The following STOML3 variants were observed in gnomAD, a reference collection of about 807,000 sequenced individuals.
STOML3 encodes stomatin-like protein 3.
STOML3 carries 31 observed loss-of-function variants against 29.5 expected under a neutral mutation model. The observed-to-expected ratio is 1.05, with a 90% CI of 0.79 to 1.42. The LOEUF is 1.42. Among genes scored for constraint, STOML3 ranks in the 40% most tolerant of loss-of-function variants. STOML3 has a pLI of 0.00. For missense variants in STOML3, 380 were observed against 363.0 expected (o/e 1.05, Z -0.38); for synonymous variants, 122 against 139.8 (o/e 0.87, Z 0.90).
chr13:38,976,593 C>T lies in STOML3; in HGVS notation c.176G>A (p.Arg59His), dbSNP rs750903761. The change falls in exon 3 of 7, where the codon CGT (arginine) becomes CAT (histidine). Residue 59 changes from arginine to histidine, a missense_variant. Arg to His is a conservative substitution (Grantham distance 29). Coordinates refer to ENST00000379631, the MANE Select transcript of STOML3 (RefSeq NM_145286.3). ...GCGTCCCAGACGGAATACAACAGCA[C>T]GTTCATACTCCTTAATGATCTAGGA... ...MCLKIIKEYERAVVFRLGRIQ... is the reference protein window; with the variant it reads ...MCLKIIKEYEHAVVFRLGRIQ... 19 of 1,614,080 alleles carry T rather than the reference C, an allele frequency of 1.2e-5. No individual in the cohort carries two copies. Among genetic ancestry groups the T allele is most frequent in the African/African-American group, 8.0e-5 (6 of 74,920 alleles).
At chr13:38,983,781 T>G (rs988540623) in intron 1 of STOML3, among the ~76,000 whole-genome samples, 1 of 152,208 alleles carries the variant, frequency 6.6e-6, no homozygotes, top group African/African-American at 2.4e-5. Context: ...GGATGATTTG[T>G]GCTCAGTAGT....
intron 1 of STOML3, among the ~76,000 whole-genome samples, chr13:38,989,399 T>G (rs2138033491): frequency 6.6e-6 from 1 of 152,256 alleles, no homozygotes; most frequent in South Asian, 2.1e-4. Flanking sequence ...CCAGATGATA[T>G]TTACTGCCTT....
At chr13:38,974,387 A>T (rs1880996478) in intron 3 of STOML3, among the ~76,000 whole-genome samples, 1 of 151,872 alleles carries the variant, frequency 6.6e-6, no homozygotes, top group Non-Finnish European at 1.5e-5. Context: ...CCTTACTTCC[A>T]TTTTTGGTGC....
At chr13:38,984,865 AT>A (rs1450971796) in intron 1 of STOML3, among the ~76,000 whole-genome samples, 1 of 151,982 alleles carries the variant, frequency 6.6e-6, no homozygotes, top group South Asian at 2.1e-4. Flanking sequence ...CAGGTATTTT[AT>A]TTTTTGTCTG....
chr13:38,983,695 C>A (rs575359362), intron 1 of STOML3, among the ~76,000 whole-genome samples: 137 of 152,192 alleles, frequency 9.0e-4, no homozygotes, highest in African/African-American at 3.3e-3. Context: ...TTATTATCTA[C>A]GCTAGTCCTA....
Position 38,976,327 on chromosome 13 carries a change from C to T in STOML3, c.229+213G>A, listed in dbSNP as rs11843122. On this transcript the variant is annotated intron_variant, in intron 3 of 6. Transcript: ENST00000379631. ...TCTCTCAGAGGGAGACTTAGGAGGC[C>T]GGGCCAGATTTCCAAACTCTCAAAC... is the stretch of plus-strand genomic sequence containing the variant. 1.7e-3 allele frequency among the ~76,000 whole-genome samples: 252 copies of T among 152,248 alleles called. 1 individual carries two copies. Among genetic ancestry groups the T allele is most frequent in the African/African-American group, 5.8e-3 (241 of 41,544 alleles).
At chr13:38,988,406 A>G (rs1313502433) in intron 1 of STOML3, among the ~76,000 whole-genome samples, 4 of 94,996 alleles carry the variant, frequency 4.2e-5, no homozygotes, top group African/African-American at 2.2e-4. Flanking sequence ...TATATAAAAT[A>G]TATGATATTT....
intron 3 of STOML3, among the ~76,000 whole-genome samples, chr13:38,975,322 G>GC (rs1555281461): frequency 6.9e-6 from 1 of 144,876 alleles, no homozygotes; most frequent in Non-Finnish European, 1.5e-5. Context: ...CTCTGTCTCA[G>GC]AAAAAAAAAA....
intron 3 of STOML3, 91 bp downstream of exon 3, chr13:38,976,449 C>G (rs1881075084): frequency 2.1e-6 from 3 of 1,459,988 alleles, no homozygotes; most frequent in Non-Finnish European, 2.8e-6. Flanking sequence ...CTTTGACTCT[C>G]AATAGGCACC....
At chr13:38,981,532 G>C (rs1345139956) in intron 1 of STOML3, among the ~76,000 whole-genome samples, 1 of 152,076 alleles carries the variant, frequency 6.6e-6, no homozygotes, top group African/African-American at 2.4e-5. Flanking sequence ...CTTCAGCTTG[G>C]TCAAGAGTAT....
intron 1 of STOML3, chr13:38,980,187 G>A (rs1593504845): frequency 1.3e-6 from 2 of 1,513,300 alleles, no homozygotes; most frequent in Non-Finnish European, 1.8e-6. Context: ...ATTTACACTG[G>A]AGCATTAGAA....
At chr13:38,982,746 C>CAT (rs1881311935) in intron 1 of STOML3, among the ~76,000 whole-genome samples, 1 of 152,186 alleles carries the variant, frequency 6.6e-6, no homozygotes, top group Admixed American at 6.5e-5. Flanking sequence ...ACATCTCCCT[C>CAT]ATATTTTTGC....
intron 1 of STOML3, among the ~76,000 whole-genome samples, chr13:38,981,969 T>C (rs1881280927): frequency 6.6e-6 from 1 of 152,232 alleles, no homozygotes; most frequent in Admixed American, 6.5e-5. Context: ...ACAATGTTCA[T>C]TGCCATTTTA....
chr13:38,972,425 T>C, intron 4 of STOML3, 87 bp downstream of exon 4: 1 of 1,363,284 alleles, frequency 7.3e-7, no homozygotes, highest in Non-Finnish European at 1.0e-6. Flanking sequence ...TCCTATAGTT[T>C]AAAAGTGAAC....
chr13:38,978,524 C>T (rs961824431), intron 1 of STOML3, among the ~76,000 whole-genome samples: 2 of 152,068 alleles, frequency 1.3e-5, no homozygotes, highest in African/African-American at 4.8e-5. Context: ...CATTCGCATC[C>T]CATGATCTCC....
chr13:38,979,112 T>C (rs1881188986), intron 1 of STOML3, among the ~76,000 whole-genome samples: 1 of 152,230 alleles, frequency 6.6e-6, no homozygotes, highest in Non-Finnish European at 1.5e-5. Flanking sequence ...ACAAATGGCC[T>C]TTTATATGCT....
intron 1 of STOML3, among the ~76,000 whole-genome samples, chr13:38,988,433 TATAAA>T (rs1399766725): frequency 2.1e-5 from 2 of 94,468 alleles, no homozygotes; most frequent in Non-Finnish European, 3.8e-5. Context: ...ATATATTTTA[TATAAA>T]ATATATTATA....
At chr13:38,975,737 A>G (rs1881050093) in intron 3 of STOML3, among the ~76,000 whole-genome samples, 1 of 152,196 alleles carries the variant, frequency 6.6e-6, no homozygotes, top group African/African-American at 2.4e-5. Flanking sequence ...AGTTATGAGT[A>G]TTAAATCAAT....
intron 1 of STOML3, among the ~76,000 whole-genome samples, chr13:38,985,637 G>A (rs2138025223): frequency 6.6e-6 from 1 of 152,058 alleles, no homozygotes; most frequent in Non-Finnish European, 1.5e-5. Context: ...AGTGGTAAAT[G>A]AAAACCACCC....
Sources: gnomAD v4.1 joint callset for allele counts (sites outside exome capture counted in the v4.1 genomes callset) on GRCh38, gnomAD v4.1.1 for gene constraint, MANE v1.5 for transcripts, NCBI Gene and HGNC (gene_info 2026-07-23, HGNC 2026-07-21) for gene names.